The following MAGI2 variants were observed in gnomAD, a reference collection of about 807,000 sequenced individuals.
The protein encoded by MAGI2 is membrane associated guanylate kinase, WW and PDZ domain containing 2.
Under a neutral mutation model 133.3 loss-of-function variants are expected in MAGI2, and 35 were observed. That is an observed-to-expected ratio of 0.26 (90% CI 0.20 to 0.35). The LOEUF (loss-of-function observed/expected upper bound fraction) is 0.35. Among genes scored for constraint, MAGI2 ranks in the 10% least tolerant of loss-of-function variants. The probability of loss-of-function intolerance (pLI) is 1.00; values close to 1 mark genes in which losing one functional copy is unlikely to be tolerated. For synonymous variants in MAGI2, 729 were observed against 710.6 expected (o/e 1.03, Z -0.41); for missense variants, 1,636 against 1,863.4 (o/e 0.88, Z 2.25).
intron 2 of MAGI2, among the ~76,000 whole-genome samples, chr7:78,890,575 A>G (rs900824155): frequency 3.3e-5 from 5 of 152,140 alleles, no homozygotes. Flanking sequence ...TAAGAAACTC[A>G]CTCAAAACCG....
intron 4 of MAGI2, 141 bp downstream of exon 4, chr7:78,521,288 AC>A (rs1796479962): frequency 2.0e-6 from 1 of 499,992 alleles, no homozygotes; most frequent in Non-Finnish European, 3.5e-6. Flanking sequence ...TTACACGTGA[AC>A]ACACAGATGT....
Position 79,146,681 on chromosome 7 carries a change from G to A in MAGI2, c.302-139475C>T, listed in dbSNP as rs529222272. 3.9e-5 allele frequency among the ~76,000 whole-genome samples: 6 copies of A among 152,298 alleles called. No individual in the cohort carries two copies. The South Asian group carries it at 6.2e-4, about 16-fold the overall frequency. On this transcript the variant is annotated intron_variant, in intron 1 of 21. Transcript: ENST00000354212. The stretch of plus-strand genomic sequence containing the variant: ...TCTCTTGCTTGCCATCATGTAAGAC[G>A]TGACTTTGCTCCTCATTCACCTTCC...
chr7:78,372,570 A>T (rs1794030083), intron 6 of MAGI2, among the ~76,000 whole-genome samples: 1 of 152,160 alleles, frequency 6.6e-6, no homozygotes, highest in Non-Finnish European at 1.5e-5. Flanking sequence ...GAAAAAATAA[A>T]CACTTGAGAT....
At chr7:79,294,908 T>C (rs1478142080) in intron 1 of MAGI2, among the ~76,000 whole-genome samples, 1 of 145,222 alleles carries the variant, frequency 6.9e-6, no homozygotes, top group Non-Finnish European at 1.5e-5. Flanking sequence ...TTTTTGTACT[T>C]TTTTTTTTTT....
At chr7:79,107,493 C>T (rs1818541986) in intron 1 of MAGI2, among the ~76,000 whole-genome samples, 1 of 152,278 alleles carries the variant, frequency 6.6e-6, no homozygotes, top group African/African-American at 2.4e-5. Flanking sequence ...GCAAAAGAAT[C>T]AGTTGAGGAG....
intron 3 of MAGI2, among the ~76,000 whole-genome samples, chr7:78,546,012 C>T (rs1057170809): frequency 5.9e-5 from 9 of 152,146 alleles, no homozygotes; most frequent in South Asian, 4.2e-4. Context: ...ATTTTATCAC[C>T]CTATTCAAAT....
At chr7:78,671,436 G>C (rs77093157) in intron 2 of MAGI2, among the ~76,000 whole-genome samples, 4 of 152,112 alleles carry the variant, frequency 2.6e-5, no homozygotes, top group African/African-American at 4.8e-5. Context: ...AGCAGAGATA[G>C]CATGTGTGAC....
intron 1 of MAGI2, among the ~76,000 whole-genome samples, chr7:79,136,845 G>A (rs1327687945): frequency 1.3e-5 from 2 of 152,198 alleles, no homozygotes; most frequent in African/African-American, 4.8e-5. Context: ...CAAGGCAGGA[G>A]TAATAACTTG....
At chr7:78,607,859 C>T (rs921221578) in intron 3 of MAGI2, among the ~76,000 whole-genome samples, 1 of 152,138 alleles carries the variant, frequency 6.6e-6, no homozygotes, top group Non-Finnish European at 1.5e-5. Context: ...TGGTACTCTC[C>T]AAGTTGGCCC....
rs76770100 is a variant in MAGI2, at chr7:79,447,224, GTA to G, written c.301+5794_301+5795del. On this transcript the variant is annotated intron_variant, in intron 1 of 21. Transcript: ENST00000354212. The stretch of plus-strand genomic sequence containing the variant: ...TATGATGATATGGACATTGTACTAT[GTA>G]TGTCCCTATGCAAGTCTTTAACAAT... Among the ~76,000 whole-genome samples, 1,229 of 152,196 alleles carry G rather than the reference GTA, an allele frequency of 8.1e-3. 50 individuals are homozygous for G. The East Asian group carries it at 0.1, about 13-fold the overall frequency.
chr7:78,681,447 A>G (rs1239015289), intron 2 of MAGI2, among the ~76,000 whole-genome samples: 1 of 152,192 alleles, frequency 6.6e-6, no homozygotes, highest in Non-Finnish European at 1.5e-5. Context: ...TATATTACAC[A>G]ACCATATTTA....
At chr7:78,603,210 A>T (rs1293830151) in intron 3 of MAGI2, among the ~76,000 whole-genome samples, 1 of 152,240 alleles carries the variant, frequency 6.6e-6, no homozygotes, top group Admixed American at 6.5e-5. Flanking sequence ...TTCATAAGGA[A>T]TAGGATCTGG....
chr7:78,864,646 A>G (rs1236839296), intron 2 of MAGI2, among the ~76,000 whole-genome samples: 1 of 152,150 alleles, frequency 6.6e-6, no homozygotes, highest in Non-Finnish European at 1.5e-5. Context: ...TTCACATGTA[A>G]AATTTTAACC....
At chr7:78,423,534 A>T (rs577604805) in intron 6 of MAGI2, among the ~76,000 whole-genome samples, 2 of 152,216 alleles carry the variant, frequency 1.3e-5, no homozygotes, top group African/African-American at 4.8e-5. Context: ...TTGGAATTGG[A>T]TAACAGGCAG....
chr7:78,985,962 G>A (rs1172037437), intron 2 of MAGI2, among the ~76,000 whole-genome samples: 1 of 152,002 alleles, frequency 6.6e-6, no homozygotes, highest in Non-Finnish European at 1.5e-5. Flanking sequence ...TGCTTTCCAT[G>A]CAACCCAATC....
In MAGI2 at chr7:78,789,798, A is replaced by G. The variant is rs888540926; in HGVS notation, c.419-162559T>C. ...TCACGTACTACATCTTATTCATTCT[A>G]TCTCTAGCTCTTTTTAGTTAGCATA... On this transcript the variant is annotated intron_variant, in intron 2 of 21. Coordinates refer to ENST00000354212, the MANE Select transcript of MAGI2 (RefSeq NM_012301.4). Among the ~76,000 whole-genome samples the G allele has an allele frequency of 1.3e-5, 2 of 152,202 alleles. 1 individual carries two copies. The highest frequency in any genetic ancestry group is 1.3e-4 in the Admixed American group (2 of 15,288).
At chr7:78,857,062 T>C (rs1793712783) in intron 2 of MAGI2, among the ~76,000 whole-genome samples, 2 of 152,222 alleles carry the variant, frequency 1.3e-5, no homozygotes, top group South Asian at 4.1e-4. Flanking sequence ...TTGTCTGTTA[T>C]TGGTGTAAAG....
At chr7:78,985,069 A>ATAG (rs1351020587) in intron 2 of MAGI2, among the ~76,000 whole-genome samples, 1 of 150,146 alleles carries the variant, frequency 6.7e-6, no homozygotes, top group African/African-American at 2.5e-5. Context: ...TGGTGTGATC[A>ATAG]TAGCTAACTG....
chr7:78,117,065 T>C (rs967786255), intron 20 of MAGI2, among the ~76,000 whole-genome samples: 2 of 149,512 alleles, frequency 1.3e-5, no homozygotes, highest in African/African-American at 4.9e-5. Context: ...ATACTAGATC[T>C]GGATGAGTTT....
Sources: allele counts gnomAD v4.1 joint callset (sites outside exome capture counted in the v4.1 genomes callset), GRCh38; gene constraint gnomAD v4.1.1; transcripts MANE v1.5; gene names NCBI Gene and HGNC (gene_info 2026-07-23, HGNC 2026-07-21).